IL17RB: variants seen among roughly 807,000 people sequenced by gnomAD.
The protein encoded by IL17RB is interleukin 17 receptor B, also known as interleukin-17 receptor B.
Under a neutral mutation model 43.9 loss-of-function variants are expected in IL17RB, and 36 were observed. The ratio of observed to expected loss-of-function variants is 0.82; its 90% CI spans 0.63 to 1.08. The LOEUF is 1.08. IL17RB is among the 50% of genes least tolerant of loss of function. The pLI is 0.00. For synonymous variants in IL17RB, 225 were observed against 225.4 expected, an observed-to-expected ratio of 1.00 and a Z score of 0.02; for missense variants, 613 against 613.6, an observed-to-expected ratio of 1.00 and a Z score of 0.01.
intron 7 of IL17RB, 150 bp from the exon 8 acceptor site, chr3:53,857,466 T>C (rs1213529461): frequency 4.4e-6 from 3 of 680,492 alleles, no homozygotes; most frequent in African/African-American, 3.5e-5. Context: ...TTTTCATCTT[T>C]AGTAGAGACG....
intron 9 of IL17RB, 146 bp downstream of exon 9, chr3:53,858,964 C>A (rs2107021733): frequency 6.9e-6 from 4 of 581,834 alleles, no homozygotes; most frequent in Non-Finnish European, 3.0e-6. Flanking sequence ...CAGAGAAAGC[C>A]AACAGTGCTG....
intron 1 of IL17RB, among the ~76,000 whole-genome samples, chr3:53,847,632 A>G (rs1698971213): frequency 6.6e-6 from 1 of 152,006 alleles, no homozygotes; most frequent in Non-Finnish European, 1.5e-5. Context: ...CGTCTCTACT[A>G]AAAATACAAA....
chr3:53,855,098 C>G (rs1221167653), intron 5 of IL17RB, among the ~76,000 whole-genome samples, 196 bp from the exon 6 acceptor site: 2 of 113,788 alleles, frequency 1.8e-5, no homozygotes, highest in Non-Finnish European at 3.2e-5. Context: ...GCCTAGGCGA[C>G]AGAGCAAGAC....
At chr3:53,852,158 T>C in intron 4 of IL17RB, 32 bp downstream of exon 4, 1 of 1,603,798 alleles carries the variant, frequency 6.2e-7, no homozygotes, top group Non-Finnish European at 8.5e-7. Context: ...GTTTTGTTTT[T>C]TGAGATAGCA....
intron 10 of IL17RB, among the ~76,000 whole-genome samples, chr3:53,863,296 A>G (rs976191062): frequency 2.6e-5 from 4 of 151,896 alleles, no homozygotes; most frequent in Admixed American, 2.0e-4. Context: ...TGTGTTGTTC[A>G]AGGGTCAGCT....
chr3:53,855,666 G>A (rs1055108925), intron 6 of IL17RB, among the ~76,000 whole-genome samples: 8 of 152,196 alleles, frequency 5.3e-5, no homozygotes, highest in African/African-American at 1.9e-4. Context: ...GGCTCTTCCT[G>A]ATTGATGGGA....
intron 10 of IL17RB, chr3:53,861,248 G>T (rs1053395053): frequency 1.2e-4 from 18 of 151,980 alleles, no homozygotes; most frequent in African/African-American, 4.3e-4. Context: ...CACTAGTAAT[G>T]CTGGCAGTGC....
chr3:53,852,518 G>A (rs1387975614), intron 4 of IL17RB, among the ~76,000 whole-genome samples: 3 of 152,168 alleles, frequency 2.0e-5, no homozygotes, highest in Non-Finnish European at 2.9e-5. Context: ...CTGCTCACAC[G>A]GGCTGGTAAA....
intron 3 of IL17RB, among the ~76,000 whole-genome samples, chr3:53,850,432 G>A (rs1045139512): frequency 6.6e-6 from 1 of 151,424 alleles, no homozygotes; most frequent in African/African-American, 2.4e-5. Flanking sequence ...AGGAGGCGGA[G>A]CTTGCAGTGA....
intron 6 of IL17RB, among the ~76,000 whole-genome samples, chr3:53,856,521 T>C (rs892454697): frequency 2.0e-5 from 3 of 152,288 alleles, no homozygotes; most frequent in African/African-American, 4.8e-5. Flanking sequence ...TCCTGGGAAG[T>C]AGAAAATACT....
intron 6 of IL17RB, 120 bp from the exon 7 acceptor site, chr3:53,856,724 G>T: frequency 1.1e-6 from 1 of 899,248 alleles, no homozygotes; most frequent in Non-Finnish European, 1.8e-6. Flanking sequence ...ATGTAGCAGC[G>T]TCCCTATCTC....
chr3:53,848,525 A>C, intron 1 of IL17RB, 139 bp from the exon 2 acceptor site: 1 of 852,908 alleles, frequency 1.2e-6, no homozygotes, highest in Non-Finnish European at 2.0e-6. Context: ...GCTGTGAAGC[A>C]GAACCAGTTC....
At position 53,865,175 on chromosome 3, in the gene IL17RB, C is replaced by T. The variant is rs1699740664; in HGVS notation, c.1376C>T (p.Ala459Val). Residue 459 changes from alanine (A) to valine (V), a missense_variant, in exon 11 of 11, where the codon GCT (alanine) becomes GTT (valine). Physicochemically the swap from Ala to Val is moderately conservative, Grantham distance 64. Coordinates refer to ENST00000288167, the MANE Select transcript of IL17RB (RefSeq NM_018725.4). ...REIDTKDDYN[A>V]LSVCPKYHLM... ...ATTGATACAAAAGACGATTACAATG[C>T]TCTCAGTGTCTGCCCCAAGTACCAC... 2 of 1,614,034 alleles carry T rather than the reference C, an allele frequency of 1.2e-6. No homozygotes were observed. Among genetic ancestry groups the T allele is most frequent in the Non-Finnish European group, 1.7e-6 (2 of 1,180,012 alleles).
chr3:53,858,095 G>A (rs1699413615), intron 8 of IL17RB: 4 of 202,566 alleles, frequency 2.0e-5, no homozygotes, highest in East Asian at 2.3e-4. Context: ...GGGCCGCAGC[G>A]GACCCAGCTG....
At chr3:53,859,214 G>A (rs1206659819) in intron 9 of IL17RB, 1 of 158,548 alleles carries the variant, frequency 6.3e-6, no homozygotes, top group Non-Finnish European at 1.4e-5. Context: ...TGAGCTTTTG[G>A]TGTGGTCACA....
At chr3:53,847,636 A>G (rs1698971506) in intron 1 of IL17RB, among the ~76,000 whole-genome samples, 1 of 152,098 alleles carries the variant, frequency 6.6e-6, no homozygotes, top group Admixed American at 6.5e-5. Context: ...TCTACTAAAA[A>G]TACAAAAAGT....
At chr3:53,860,333 G>C in intron 10 of IL17RB, 105 bp downstream of exon 10, 2 of 828,508 alleles carry the variant, frequency 2.4e-6, no homozygotes, top group Admixed American at 2.2e-5. Flanking sequence ...GCGTTTCCCA[G>C]AGTTAGATAG....
Position 53,865,199 on chromosome 3 carries a change from A to G in IL17RB, c.1400A>G (p.His467Arg), listed in dbSNP as rs1295931415. 1 of 1,613,954 alleles carries G rather than the reference A, an allele frequency of 6.2e-7. No individual in the cohort carries two copies. The highest frequency in any genetic ancestry group is 2.2e-5 in the East Asian group (1 of 44,890). ...YNALSVCPKY[H>R]LMKDATAFCA... is the part of the protein sequence containing the mutation. The stretch of plus-strand genomic sequence containing the variant: ...GCTCTCAGTGTCTGCCCCAAGTACC[A>G]CCTCATGAAGGATGCCACTGCTTTC... Residue 467 changes from histidine to arginine, a missense_variant, in exon 11 of 11, where the codon CAC becomes CGC. Physicochemically the swap from His to Arg is conservative, Grantham distance 29. Coordinates refer to ENST00000288167, the MANE Select transcript of IL17RB (RefSeq NM_018725.4).
chr3:53,850,463 C>T (rs1699096353), intron 3 of IL17RB, among the ~76,000 whole-genome samples: 1 of 148,532 alleles, frequency 6.7e-6, no homozygotes, highest in Admixed American at 6.9e-5. Flanking sequence ...CACCACTGCA[C>T]TCCAGCAGCC....
Sources: allele counts gnomAD v4.1 joint callset (sites outside exome capture counted in the v4.1 genomes callset), GRCh38; gene constraint gnomAD v4.1.1; transcripts MANE v1.5; gene names NCBI Gene and HGNC (gene_info 2026-07-23, HGNC 2026-07-21).